SDK1: variants seen among roughly 807,000 people sequenced by gnomAD.
The protein encoded by SDK1 is sidekick cell adhesion molecule 1.
A neutral mutation model predicts 245.5 loss-of-function variants in SDK1; 157 were observed. The ratio of observed to expected loss-of-function variants is 0.64; its 90% CI spans 0.56 to 0.73. The LOEUF is 0.73. Among genes scored for constraint, SDK1 ranks in the 30% least tolerant of loss-of-function variants. SDK1 has a pLI of 0.00. For missense variants in SDK1, 3,583 were observed against 3,002.3 expected, an observed-to-expected ratio of 1.19 and a Z score of -4.52; for synonymous variants, 1,647 against 1,278.5, an observed-to-expected ratio of 1.29 and a Z score of -6.15.
At chr7:3,353,744 A>C (rs1384111820) in intron 1 of SDK1, among the ~76,000 whole-genome samples, 1 of 152,204 alleles carries the variant, frequency 6.6e-6, no homozygotes, top group Non-Finnish European at 1.5e-5. Flanking sequence ...TCATGGTTAA[A>C]GGGAGCATGC....
chr7:4,017,923 C>T (rs935979378), intron 17 of SDK1, among the ~76,000 whole-genome samples: 4 of 152,148 alleles, frequency 2.6e-5, no homozygotes, highest in Non-Finnish European at 5.9e-5. Flanking sequence ...CTTAAATATC[C>T]GTGGTGAGAT....
At chr7:3,383,379 C>G (rs969545223) in intron 1 of SDK1, among the ~76,000 whole-genome samples, 14 of 152,196 alleles carry the variant, frequency 9.2e-5, no homozygotes, top group African/African-American at 3.4e-4. Flanking sequence ...CCACTGCACT[C>G]CAGCCTGGGT....
intron 1 of SDK1, among the ~76,000 whole-genome samples, chr7:3,352,649 C>T (rs1780690398): frequency 6.6e-6 from 1 of 152,144 alleles, no homozygotes; most frequent in Non-Finnish European, 1.5e-5. Flanking sequence ...CATGGGCTGT[C>T]ACAGATACAC....
intron 13 of SDK1, among the ~76,000 whole-genome samples, chr7:3,978,982 A>G (rs1202648449): frequency 6.6e-6 from 1 of 152,218 alleles, no homozygotes; most frequent in Admixed American, 6.5e-5. Context: ...TACACTTAGC[A>G]CTAAGCTTCA....
In SDK1 at chr7:3,986,679, T is replaced by C. The variant is rs189641753; in HGVS notation, c.1995-507T>C. ...TTCAAGACCAACCTGGCCAAGATGG[T>C]GTGAAACCCCATCTCTACTAAAAAT... On this transcript the variant is annotated intron_variant, in intron 13 of 44. Transcript: ENST00000404826. Among the ~76,000 whole-genome samples, 48 of 152,110 alleles carry C rather than the reference T, an allele frequency of 3.2e-4. No homozygotes were observed. In the East Asian group the frequency reaches 8.7e-3, roughly 28 times the overall value.
chr7:3,495,481 A>T (rs1781995869), intron 1 of SDK1, among the ~76,000 whole-genome samples: 1 of 151,886 alleles, frequency 6.6e-6, no homozygotes, highest in Non-Finnish European at 1.5e-5. Flanking sequence ...CAAGTCTTGA[A>T]CACCCAGCCT....
intron 1 of SDK1, among the ~76,000 whole-genome samples, chr7:3,365,710 C>T (rs1583750240): frequency 6.6e-6 from 1 of 152,070 alleles, no homozygotes; most frequent in Non-Finnish European, 1.5e-5. Context: ...GATGTAGAGA[C>T]AGAACACTGA....
chr7:3,974,394 G>A lies in SDK1; in HGVS notation c.1843G>A (p.Ala615Thr). ...LRYVWKKDNV[A>T]LTPSSTSRIV... ...CTACGTTTGGAAGAAGGACAACGTG[G>A]CCCTGACTCCATCGAGCACGTCTAG... Residue 615 changes from alanine (A) to threonine (T), a missense_variant, in exon 13 of 45, where the codon GCC (alanine) becomes ACC (threonine). Coordinates refer to ENST00000404826, the MANE Select transcript of SDK1 (RefSeq NM_152744.4). 7 of 1,613,862 alleles carry A rather than the reference G, an allele frequency of 4.3e-6. No individual in the cohort carries two copies. Among genetic ancestry groups the A allele is most frequent in the Non-Finnish European group, 5.1e-6 (6 of 1,179,864 alleles).
At chr7:4,077,494 A>G (rs757682758) in intron 21 of SDK1, among the ~76,000 whole-genome samples, 5 of 152,152 alleles carry the variant, frequency 3.3e-5, no homozygotes, top group Admixed American at 6.6e-5. Context: ...TGCCATGAAT[A>G]CTTTCAAAAC....
intron 4 of SDK1, among the ~76,000 whole-genome samples, chr7:3,736,318 G>A (rs929422940): frequency 3.3e-5 from 5 of 152,156 alleles, no homozygotes; most frequent in African/African-American, 1.2e-4. Flanking sequence ...TTGTGAGACA[G>A]AGTCTTGCTC....
At chr7:4,025,062 C>T (rs1787231076) in intron 17 of SDK1, among the ~76,000 whole-genome samples, 1 of 151,800 alleles carries the variant, frequency 6.6e-6, no homozygotes, top group Non-Finnish European at 1.5e-5. Flanking sequence ...ACAGAGCATC[C>T]ATGGAACAAT....
intron 1 of SDK1, among the ~76,000 whole-genome samples, chr7:3,541,854 A>G (rs1363584520): frequency 3.3e-5 from 5 of 152,198 alleles, no homozygotes; most frequent in African/African-American, 1.2e-4. Context: ...AAGGAGCTAA[A>G]TGCCCTCTTA....
At chr7:4,247,816 C>G (rs1358566779) in intron 44 of SDK1, among the ~76,000 whole-genome samples, 3 of 152,174 alleles carry the variant, frequency 2.0e-5, no homozygotes. Flanking sequence ...GGTTGTCCAG[C>G]AGGCGGCTGT....
chr7:3,836,347 A>T (rs148858675), intron 5 of SDK1, among the ~76,000 whole-genome samples: 2 of 152,360 alleles, frequency 1.3e-5, no homozygotes, highest in Non-Finnish European at 2.9e-5. Flanking sequence ...ACATATACAT[A>T]ACTTCAATGT....
Position 3,806,117 on chromosome 7 carries a change from G to T in SDK1, c.714-15333G>T, listed in dbSNP as rs184447878. Among the ~76,000 whole-genome samples, 5 of 152,198 alleles carry T rather than the reference G, an allele frequency of 3.3e-5. 1 individual carries two copies. The South Asian group carries it at 1.0e-3, about 32-fold the overall frequency. On this transcript the variant is annotated intron_variant, in intron 4 of 44. Transcript: ENST00000404826. Reference sequence around the variant, plus strand: ...TCCCACCATCTTCAAAGTCAGCAGCGTAAACTTTCTCCTCTGCCAGTGACT... The same window carrying T: ...TCCCACCATCTTCAAAGTCAGCAGCTTAAACTTTCTCCTCTGCCAGTGACT...
At chr7:3,922,326 C>A (rs775527516) in intron 5 of SDK1, among the ~76,000 whole-genome samples, 49 of 152,298 alleles carry the variant, frequency 3.2e-4, no homozygotes, top group Admixed American at 2.3e-3. Flanking sequence ...GAGAGCTGAC[C>A]CTGGGCACCT....
At chr7:3,624,805 G>T (rs1351668048) in intron 2 of SDK1, among the ~76,000 whole-genome samples, 1 of 151,956 alleles carries the variant, frequency 6.6e-6, no homozygotes, top group Non-Finnish European at 1.5e-5. Flanking sequence ...CAGCACTTTG[G>T]GAGGCCGAGG....
chr7:3,564,846 G>A lies in SDK1; in HGVS notation c.299-54234G>A, dbSNP rs1779858741. Among the ~76,000 whole-genome samples, 5 of 152,160 alleles carry A rather than the reference G, an allele frequency of 3.3e-5. No individual in the cohort carries two copies. The South Asian group carries it at 8.3e-4, about 25-fold the overall frequency. On this transcript the variant is annotated intron_variant, in intron 1 of 44. Transcript: ENST00000404826. ...AGAGAGAGATGTTCAGCAATTTTCT[G>A]AAGTTAATGAAACCTCGATTACAGT...
At chr7:3,982,772 G>A (rs146549230) in intron 13 of SDK1, among the ~76,000 whole-genome samples, 3 of 152,120 alleles carry the variant, frequency 2.0e-5, no homozygotes, top group East Asian at 1.9e-4. Flanking sequence ...CCCAGGAGGC[G>A]GAGCTTGCAG....
Sources: gnomAD v4.1 joint callset for allele counts (sites outside exome capture counted in the v4.1 genomes callset) on GRCh38, gnomAD v4.1.1 for gene constraint, MANE v1.5 for transcripts, NCBI Gene and HGNC (gene_info 2026-07-23, HGNC 2026-07-21) for gene names.